ZCCHC8: variants seen among roughly 807,000 people sequenced by gnomAD.
ZCCHC8 encodes zinc finger CCHC-type containing 8, also known as zinc finger CCHC domain-containing protein 8.
A neutral mutation model predicts 70.6 loss-of-function variants in ZCCHC8; 27 were observed. The ratio of observed to expected loss-of-function variants is 0.38; its 90% confidence interval spans 0.28 to 0.53. ZCCHC8 has a LOEUF of 0.53. ZCCHC8 is among the 20% of genes least tolerant of loss of function. The pLI is 0.81. For synonymous variants in ZCCHC8, 293 were observed against 317.4 expected, an observed-to-expected ratio of 0.92 and a Z score of 0.82; for missense variants, 737 against 876.9, an observed-to-expected ratio of 0.84 and a Z score of 2.01.
At chr12:122,476,893 G>A (rs1957429405) in intron 13 of ZCCHC8, among the ~76,000 whole-genome samples, 1 of 150,818 alleles carries the variant, frequency 6.6e-6, no homozygotes, top group Non-Finnish European at 1.5e-5. Flanking sequence ...GTGGTGGCGG[G>A]CACCTGTAAT....
Position 122,500,553 on chromosome 12 carries a change from C to T in ZCCHC8, c.199+89G>A. ...CTCCTGGAACTTCCGCCCGCGCCCT[C>T]GCCCTCGCCCGGCGCTGCCCCGGCC... is the stretch of plus-strand genomic sequence containing the variant. On this transcript the variant is annotated intron_variant, in intron 1 of 13. Coordinates refer to ENST00000633063, the MANE Select transcript of ZCCHC8 (RefSeq NM_017612.5). The surrounding 1 kb of genome is among the most constrained non-coding windows in gnomAD (Gnocchi z 4.8). The T allele has an allele frequency of 1.1e-5, 15 of 1,411,204 alleles. No individual in the cohort carries two copies. Among genetic ancestry groups the T allele is most frequent in the Non-Finnish European group, 1.4e-5 (15 of 1,071,544 alleles). 87.4% of individuals were successfully genotyped at this position (1,411,204 alleles called of 1,614,324 possible).
At chr12:122,496,832 G>C (rs534461757) in intron 2 of ZCCHC8, among the ~76,000 whole-genome samples, 1 of 152,266 alleles carries the variant, frequency 6.6e-6, no homozygotes, top group African/African-American at 2.4e-5. Context: ...AGAGAAAAAA[G>C]GGTGAGATAT....
At position 122,500,551 on chromosome 12, in the gene ZCCHC8, C is replaced by G. The variant is rs1957908376; in HGVS notation, c.199+91G>C. On this transcript the variant is annotated intron_variant, in intron 1 of 13. Transcript: ENST00000633063. This position sits in a 1 kb window ranked among gnomAD's most constrained non-coding sequence, Gnocchi z 4.8. ...CCCTCCTGGAACTTCCGCCCGCGCC[C>G]TCGCCCTCGCCCGGCGCTGCCCCGG... is the stretch of plus-strand genomic sequence containing the variant. 2 of 1,409,060 alleles carry G rather than the reference C, an allele frequency of 1.4e-6. No individual in the cohort carries two copies. Among genetic ancestry groups the G allele is most frequent in the East Asian group, 5.0e-5 (2 of 39,834 alleles). The allele number at this position is 1,409,060 out of a possible 1,614,324, so 87.3% of individuals were successfully genotyped here.
At chr12:122,494,433 T>C (rs1198168912) in intron 2 of ZCCHC8, among the ~76,000 whole-genome samples, 1 of 149,322 alleles carries the variant, frequency 6.7e-6, no homozygotes. Flanking sequence ...TGGTGGCACA[T>C]GCCTGTAAAC....
chr12:122,473,014 T>G lies in ZCCHC8; in HGVS notation c.*483A>C. The G allele has an allele frequency of 6.4e-6, 1 of 155,298 alleles. No homozygotes were observed. The highest frequency in any genetic ancestry group is 1.9e-4 in the East Asian group (1 of 5,306). The allele number at this position is 155,298 out of a possible 1,614,324, so 9.6% of individuals were successfully genotyped here. A position where few individuals can be genotyped will look rare whatever the true frequency, so the allele number is the denominator to read the frequency against. On this transcript the variant is annotated 3_prime_UTR_variant, in exon 14 of 14. Coordinates refer to ENST00000633063, the MANE Select transcript of ZCCHC8 (RefSeq NM_017612.5). ...AAAGTATTACTAAAATTGACACATG[T>G]AAATCACTTACAAAAATACCCCAAA...
intron 2 of ZCCHC8, 29 bp from the exon 3 acceptor site, chr12:122,492,818 G>A: frequency 7.0e-7 from 1 of 1,430,646 alleles, no homozygotes; most frequent in Non-Finnish European, 9.6e-7. Flanking sequence ...CATATTCTTA[G>A]AAGATATTTA....
chr12:122,489,388 T>C lies in ZCCHC8; in HGVS notation c.499A>G (p.Ser167Gly), dbSNP rs1246742366. ...CAIKNNKEAF[S>G]VVGSVLYFTN... Reference sequence around the variant, plus strand: ...AAAACTGAAATGTCCAAACTTACACTGAAAGCTTCCTTGTTGTTTTTAATG... The same window carrying C: ...AAAACTGAAATGTCCAAACTTACACCGAAAGCTTCCTTGTTGTTTTTAATG... Residue 167 changes from serine (S) to glycine (G), a missense_variant and splice_region_variant, in exon 5 of 14, where the codon AGT (serine) becomes GGT (glycine). Coordinates refer to ENST00000633063, the MANE Select transcript of ZCCHC8 (RefSeq NM_017612.5). The C allele has an allele frequency of 6.2e-7, 1 of 1,613,484 alleles. No individual in the cohort carries two copies. The highest frequency in any genetic ancestry group is 1.1e-5 in the South Asian group (1 of 90,980).
chr12:122,481,397 CATG>C (rs1223224353), intron 10 of ZCCHC8, 122 bp downstream of exon 10: 5 of 1,204,824 alleles, frequency 4.1e-6, no homozygotes, highest in Non-Finnish European at 5.7e-6. Flanking sequence ...GAAACATCAT[CATG>C]ATATTTTTTA....
intron 5 of ZCCHC8, among the ~76,000 whole-genome samples, chr12:122,487,024 T>A (rs1471412003): frequency 2.6e-5 from 4 of 152,218 alleles, no homozygotes; most frequent in Non-Finnish European, 5.9e-5. Context: ...ACATGCCAGG[T>A]AGTGCTCCTG....
Position 122,500,852 on chromosome 12 carries a change from G to A in ZCCHC8, c.-12C>T. On this transcript the variant is annotated 5_prime_UTR_variant, in exon 1 of 14. Transcript: ENST00000633063. The surrounding 1 kb of genome is among the most constrained non-coding windows in gnomAD (Gnocchi z 4.8). ...ACCTCTGCGGCCATTTTGGGCTGTG[G>A]AAAAGATTCGAGAAGAGGCGGAGCC... is the stretch of plus-strand genomic sequence containing the variant. 6.4e-7 allele frequency: 1 copy of A among 1,559,238 alleles called. No homozygotes were observed. Among genetic ancestry groups the A allele is most frequent in the Non-Finnish European group, 8.7e-7 (1 of 1,151,870 alleles).
At chr12:122,476,008 G>T (rs1451256458) in intron 13 of ZCCHC8, among the ~76,000 whole-genome samples, 2 of 152,184 alleles carry the variant, frequency 1.3e-5, no homozygotes, top group Non-Finnish European at 2.9e-5. Flanking sequence ...TCAAGATGCA[G>T]TTCAAAGTTA....
chr12:122,486,402 G>A (rs1358085874), intron 5 of ZCCHC8, among the ~76,000 whole-genome samples: 3 of 114,756 alleles, frequency 2.6e-5, no homozygotes, highest in African/African-American at 1.1e-4. Context: ...GACAGAGCGA[G>A]AGGCTGTCTC....
intron 13 of ZCCHC8, among the ~76,000 whole-genome samples, chr12:122,476,374 C>A (rs147001952): frequency 6.6e-6 from 1 of 151,934 alleles, no homozygotes; most frequent in Non-Finnish European, 1.5e-5. Flanking sequence ...AGGCAGATTG[C>A]TTAAACTCAG....
rs1957569252 is a variant in ZCCHC8, at chr12:122,483,164, C to T, written c.671+115G>A. 1.1e-6 allele frequency: 1 copy of T among 920,002 alleles called. No homozygotes were observed. Among genetic ancestry groups the T allele is most frequent in the Non-Finnish European group, 1.6e-6 (1 of 607,790 alleles). The allele number at this position is 920,002 out of a possible 1,614,324, so 57.0% of individuals were successfully genotyped here. The stretch of plus-strand genomic sequence containing the variant: ...GTATGGATTAAAATTCTAGCTCAAT[C>T]TGTAATTAACCTTAGAGTAAACCAG... On this transcript the variant is annotated intron_variant, in intron 7 of 13. Transcript: ENST00000633063. The surrounding 1 kb of genome is among the most constrained non-coding windows in gnomAD (Gnocchi z 4.4).
chr12:122,500,546 G>T lies in ZCCHC8; in HGVS notation c.199+96C>A. ...TCTGGCCCTCCTGGAACTTCCGCCC[G>T]CGCCCTCGCCCTCGCCCGGCGCTGC... On this transcript the variant is annotated intron_variant, in intron 1 of 13. Coordinates refer to ENST00000633063, the MANE Select transcript of ZCCHC8 (RefSeq NM_017612.5). The surrounding 1 kb of genome is among the most constrained non-coding windows in gnomAD (Gnocchi z 4.8). 2 of 1,380,328 alleles carry T rather than the reference G, an allele frequency of 1.4e-6. No individual in the cohort carries two copies. Among genetic ancestry groups the T allele is most frequent in the Non-Finnish European group, 1.9e-6 (2 of 1,045,924 alleles). The allele number at this position is 1,380,328 out of a possible 1,614,324, so 85.5% of individuals were successfully genotyped here.
chr12:122,497,266 TGCAGTGGC>T (rs1387898415), intron 2 of ZCCHC8, among the ~76,000 whole-genome samples: 1 of 152,090 alleles, frequency 6.6e-6, no homozygotes, highest in Non-Finnish European at 1.5e-5. Flanking sequence ...TGAGGCCAGG[TGCAGTGGC>T]TCATGCCTGT....
chr12:122,480,168 T>C, intron 11 of ZCCHC8, 22 bp downstream of exon 11: 1 of 1,536,366 alleles, frequency 6.5e-7, no homozygotes, highest in Non-Finnish European at 8.9e-7. Flanking sequence ...ACATGATAAT[T>C]TAAAAAAATC....
In ZCCHC8 at chr12:122,474,138, G is replaced by A. The variant is rs1305632777; in HGVS notation, c.1483C>T (p.Leu495=). ...GTCTGGGGTGAGTCACTGGGAGTCA[G>A]CGGCGGGGTGCCCTTTGGGAGTGGA... ...TPPLPKGTPP[L]TPSDSPQTRT... The change falls in exon 14 of 14, where the codon CTG becomes TTG. Residue 495 remains leucine, a synonymous_variant. Coordinates refer to ENST00000633063, the MANE Select transcript of ZCCHC8 (RefSeq NM_017612.5). 1 of 1,509,644 alleles carries A rather than the reference G, an allele frequency of 6.6e-7. No individual in the cohort carries two copies. Among genetic ancestry groups the A allele is most frequent in the South Asian group, 1.4e-5 (1 of 71,774 alleles). The allele number at this position is 1,509,644 out of a possible 1,614,324, so 93.5% of individuals were successfully genotyped here.
At chr12:122,478,974 C>A (rs1957476983) in intron 11 of ZCCHC8, among the ~76,000 whole-genome samples, 1 of 152,224 alleles carries the variant, frequency 6.6e-6, no homozygotes, top group Admixed American at 6.5e-5. Flanking sequence ...ATTACACAGT[C>A]TTGCGTGATT....
Sources: gnomAD v4.1 joint callset for allele counts (sites outside exome capture counted in the v4.1 genomes callset) on GRCh38, gnomAD v4.1.1 for gene constraint, Gnocchi (gnomAD v3.1) non-coding constraint, MANE v1.5 for transcripts, NCBI Gene and HGNC (gene_info 2026-07-23, HGNC 2026-07-21) for gene names.